Variants in CELSR1 observed in about 807,000 individuals in gnomAD.
CELSR1 encodes cadherin EGF LAG seven-pass G-type receptor 1.
A neutral mutation model predicts 249.1 loss-of-function variants in CELSR1; 110 were observed. The ratio of observed to expected loss-of-function variants is 0.44; its 90% confidence interval spans 0.38 to 0.52. The LOEUF is 0.52. Among genes scored for constraint, CELSR1 ranks in the 20% least tolerant of loss-of-function variants. The pLI, the probability that CELSR1 is intolerant of heterozygous loss-of-function variation, is 0.00. For missense variants in CELSR1, 4,109 were observed against 4,296.4 expected (o/e 0.96, Z 1.22); for synonymous variants, 2,113 against 1,900.0 (o/e 1.11, Z -2.92).
rs565562407 is a variant in CELSR1, at chr22:46,468,645, T to C, written c.3545-4300A>G. Among the ~76,000 whole-genome samples the C allele has an allele frequency of 2.4e-4, 36 of 152,206 alleles. No individual in the cohort carries two copies. Among genetic ancestry groups the C allele is most frequent in the African/African-American group, 8.4e-4 (35 of 41,528 alleles). ...TTGTTTAGTGGGTGTGGGGTTTCAGTTTGGGGCCATGAAAAAGTTCTGGAG... is the reference window on the plus strand; with the variant it reads ...TTGTTTAGTGGGTGTGGGGTTTCAGCTTGGGGCCATGAAAAAGTTCTGGAG... On this transcript the variant is annotated intron_variant, in intron 1 of 34. Coordinates refer to ENST00000674500, the MANE Select transcript of CELSR1 (RefSeq NM_001378328.1). This position sits in a 1 kb window ranked among gnomAD's most constrained non-coding sequence, Gnocchi z 4.5.
At position 46,380,900 on chromosome 22, in the gene CELSR1, C is replaced by T. The variant is rs764728994; in HGVS notation, c.7144G>A (p.Glu2382Lys). Reference protein sequence around the residue: ...TPMVSTLVYSEGAPLPRPLER... With the variant: ...TPMVSTLVYSKGAPLPRPLER... Reference sequence around the variant, plus strand: ...AGGGGTCTCGGGAGCGGAGCCCCCTCGCTGTACACCAGCGTGCTCACCATC... The same window carrying T: ...AGGGGTCTCGGGAGCGGAGCCCCCTTGCTGTACACCAGCGTGCTCACCATC... The change falls in exon 22 of 35, where the codon GAG (glutamate) becomes AAG (lysine). Residue 2382 changes from glutamate (E) to lysine (K), a missense_variant. Coordinates refer to ENST00000674500, the MANE Select transcript of CELSR1 (RefSeq NM_001378328.1). The surrounding 1 kb of genome is among the most constrained non-coding windows in gnomAD (Gnocchi z 5.1). 1.9e-5 allele frequency: 31 copies of T among 1,613,524 alleles called. No individual in the cohort carries two copies. Among genetic ancestry groups the T allele is most frequent in the Middle Eastern group, 3.3e-4 (2 of 6,054 alleles).
chr22:46,361,529 C>T lies in CELSR1; in HGVS notation c.*1694G>A, dbSNP rs1337487097. The T allele has an allele frequency of 6.6e-6, 1 of 152,184 alleles. No homozygotes were observed. The highest frequency in any genetic ancestry group is 1.5e-5 in the Non-Finnish European group (1 of 68,024). 9.4% of individuals were successfully genotyped at this position (152,184 alleles called of 1,614,324 possible). On this transcript the variant is annotated 3_prime_UTR_variant, in exon 35 of 35. Coordinates refer to ENST00000674500, the MANE Select transcript of CELSR1 (RefSeq NM_001378328.1). ...GTACTTAGGAAACGCCAGGGGCAAA[C>T]GTTTAAAGGGACTAGAGTTTTTTAT...
rs1042418084 is a variant in CELSR1 at position 46,393,058 on chromosome 22, G to A, written c.5964+1084C>T. On this transcript the variant is annotated intron_variant, in intron 14 of 34. Transcript: ENST00000674500. The surrounding 1 kb of genome is among the most constrained non-coding windows in gnomAD (Gnocchi z 4.1). ...TGGAACCACCGCAGGCACTGGGGGG[G>A]GACACTACTGACATCACGAGATGGC... Among the ~76,000 whole-genome samples, 2 of 152,148 alleles carry A rather than the reference G, an allele frequency of 1.3e-5. No individual in the cohort carries two copies. The highest frequency in any genetic ancestry group is 4.8e-5 in the African/African-American group (2 of 41,428).
At chr22:46,451,899 C>T (rs945456752) in intron 2 of CELSR1, among the ~76,000 whole-genome samples, 52 of 152,136 alleles carry the variant, frequency 3.4e-4, no homozygotes, top group African/African-American at 1.2e-3. Context: ...CATGAATTAT[C>T]GTAAAATGAG....
chr22:46,450,918 G>A (rs981525183), intron 2 of CELSR1, among the ~76,000 whole-genome samples: 2 of 152,242 alleles, frequency 1.3e-5, no homozygotes, highest in South Asian at 4.1e-4. Context: ...GAGTGAAACA[G>A]CTCATTTGGT....
intron 1 of CELSR1, among the ~76,000 whole-genome samples, chr22:46,522,017 G>A (rs1430088922): frequency 6.6e-6 from 1 of 152,106 alleles, no homozygotes; most frequent in Non-Finnish European, 1.5e-5. Context: ...TGTTTTCTGA[G>A]TTTTTTTGAC....
rs1033281634 is a variant in CELSR1 at position 46,440,499 on chromosome 22, A to G, written c.4184-1088T>C. Among the ~76,000 whole-genome samples the G allele has an allele frequency of 6.6e-6, 1 of 152,148 alleles. No individual in the cohort carries two copies. Among genetic ancestry groups the G allele is most frequent in the Non-Finnish European group, 1.5e-5 (1 of 68,020 alleles). On this transcript the variant is annotated intron_variant, in intron 2 of 34. Transcript: ENST00000674500. This position sits in a 1 kb window ranked among gnomAD's most constrained non-coding sequence, Gnocchi z 4.7. The stretch of plus-strand genomic sequence containing the variant: ...CAGGCGTGAGCCACCGCGCCCGGCC[A>G]GTATGATCAATCTTTAAAATATTTT...
At chr22:46,523,845 C>T (rs2080710674) in intron 1 of CELSR1, among the ~76,000 whole-genome samples, 1 of 152,244 alleles carries the variant, frequency 6.6e-6, no homozygotes, top group East Asian at 1.9e-4. Context: ...CTTCTTGTGA[C>T]AGCTCTACCA....
chr22:46,377,256 C>T lies in CELSR1; in HGVS notation c.7389G>A (p.Gly2463=). Residue 2463 remains glycine (G), a synonymous_variant, in exon 24 of 35, where the codon GGG becomes GGA. Transcript: ENST00000674500. ...TGACAATCTTCAGAGGCAGGACCTC[C>T]CCGTTCTATGGGCAGGAGGGTTAAA... ...VLMDISRREN[G]EVLPLKIVTY... The T allele has an allele frequency of 6.2e-7, 1 of 1,613,824 alleles. No homozygotes were observed. Among genetic ancestry groups the T allele is most frequent in the Non-Finnish European group, 8.5e-7 (1 of 1,179,988 alleles).
intron 18 of CELSR1, among the ~76,000 whole-genome samples, chr22:46,388,364 TA>T (rs1569125657): frequency 1.3e-5 from 2 of 149,458 alleles, no homozygotes; most frequent in African/African-American, 5.0e-5. Context: ...AAAAAAGAAA[TA>T]AAGAAAAAGA....
intron 5 of CELSR1, among the ~76,000 whole-genome samples, chr22:46,415,401 C>T (rs919026728): frequency 1.3e-5 from 2 of 152,128 alleles, no homozygotes; most frequent in African/African-American, 2.4e-5. Context: ...CCACCTGCCT[C>T]GGCCTCCCGA....
rs2007797 is a variant in CELSR1 at position 46,407,477 on chromosome 22, G to A, written c.5226+1519C>T. On this transcript the variant is annotated intron_variant, in intron 9 of 34. Transcript: ENST00000674500. The surrounding 1 kb of genome is among the most constrained non-coding windows in gnomAD (Gnocchi z 4.8). ...AAACCCTGTCTCTACTAAAAATACA[G>A]CAAATTTAGCCAGGTGTGGTGGTGA... Among the ~76,000 whole-genome samples, 30,632 of 151,952 alleles carry A rather than the reference G, an allele frequency of 0.2. 5,555 individuals are homozygous for A. Among genetic ancestry groups the A allele is most frequent in the African/African-American group, 0.49 (20,325 of 41,388 alleles).
At chr22:46,378,512 G>T in intron 23 of CELSR1, 79 bp downstream of exon 23, 1 of 1,485,144 alleles carries the variant, frequency 6.7e-7, no homozygotes, top group South Asian at 1.2e-5. Context: ...CAGGTTTGGC[G>T]GGGAGGTGCA....
intron 5 of CELSR1, among the ~76,000 whole-genome samples, chr22:46,421,949 T>G (rs9627453): frequency 0.053 from 8,102 of 152,274 alleles, 654 homozygotes; most frequent in African/African-American, 0.18. Flanking sequence ...TGAGACAGAA[T>G]CAAAGCCAAC....
At chr22:46,376,915 G>C in intron 24 of CELSR1, 146 bp downstream of exon 24, 1 of 789,888 alleles carries the variant, frequency 1.3e-6, no homozygotes, top group African/African-American at 1.7e-5. Context: ...CTGTGACCAG[G>C]CACGTTCCTG....
chr22:46,411,949 T>G lies in CELSR1; in HGVS notation c.4612-190A>C, dbSNP rs1313372750. 1.3e-5 allele frequency among the ~76,000 whole-genome samples: 2 copies of G among 152,212 alleles called. No individual in the cohort carries two copies. The highest frequency in any genetic ancestry group is 2.9e-5 in the Non-Finnish European group (2 of 68,040). ...GGCTGCTCAATGCCCCCTCAAGTTC[T>G]GCTTCCCAGAATCTCAGAACGTGGC... On this transcript the variant is annotated intron_variant, in intron 5 of 34. Coordinates refer to ENST00000674500, the MANE Select transcript of CELSR1 (RefSeq NM_001378328.1). The surrounding 1 kb of genome is among the most constrained non-coding windows in gnomAD (Gnocchi z 4.2).
In CELSR1 at chr22:46,448,469, C is replaced by T. The variant is rs1319525753; in HGVS notation, c.4184-9058G>A. 7 of 362,060 alleles carry T rather than the reference C, an allele frequency of 1.9e-5. No homozygotes were observed. The highest frequency in any genetic ancestry group is 7.1e-5 in the Admixed American group (2 of 28,190). The allele number at this position is 362,060 out of a possible 1,614,324, so 22.4% of individuals were successfully genotyped here. A position where few individuals can be genotyped will look rare whatever the true frequency, so the allele number is the denominator to read the frequency against. On this transcript the variant is annotated intron_variant, in intron 2 of 34. Transcript: ENST00000674500. The surrounding 1 kb of genome is among the most constrained non-coding windows in gnomAD (Gnocchi z 5.7). ...AGGACCTGGGGGAGGGCTGGGAACG[C>T]GCTGGGAACGTGCCCCAGGAGGGGA...
chr22:46,464,121 T>A lies in CELSR1; in HGVS notation c.3769A>T (p.Ile1257Phe). ...VQNDTDVSSN[I>F]LNVTFSALLP... ...AGCGCCGAGAAGGTCACGTTCAGGA[T>A]GTTGGAGCTGACGTCGGTGTCGTTC... The change falls in exon 2 of 35, where the codon ATC becomes TTC. Residue 1257 changes from isoleucine (I) to phenylalanine (F), a missense_variant. By Grantham distance (21) the Ile-to-Phe change is conservative (BLOSUM62 0). Around this residue, in one of 7 missense-constraint regions of CELSR1, gnomAD observed 141 missense variants for 209.4 expected, o/e 0.67. Transcript: ENST00000674500. The surrounding 1 kb of genome is among the most constrained non-coding windows in gnomAD (Gnocchi z 8.5). The A allele has an allele frequency of 6.2e-7, 1 of 1,613,806 alleles. No individual in the cohort carries two copies. The highest frequency in any genetic ancestry group is 8.5e-7 in the Non-Finnish European group (1 of 1,180,032).
intron 1 of CELSR1, among the ~76,000 whole-genome samples, chr22:46,525,821 G>C (rs1276136629): frequency 6.6e-6 from 1 of 152,226 alleles, no homozygotes; most frequent in Admixed American, 6.5e-5. Context: ...AAAATGTGCA[G>C]GCACAGGCAC....
Sources: gnomAD v4.1 joint callset for allele counts (sites outside exome capture counted in the v4.1 genomes callset) on GRCh38, gnomAD v4.1.1 for gene constraint, gnomAD v4.1.1 regional missense constraint, Gnocchi (gnomAD v3.1) non-coding constraint, MANE v1.5 for transcripts, NCBI Gene and HGNC (gene_info 2026-07-23, HGNC 2026-07-21) for gene names.